SORBS2: variants seen among roughly 807,000 people sequenced by gnomAD.
SORBS2 encodes sorbin and SH3 domain containing 2.
Under a neutral mutation model 97.7 loss-of-function variants are expected in SORBS2, and 46 were observed. That is an observed-to-expected ratio of 0.47 (90% CI 0.37 to 0.60). SORBS2 has a LOEUF of 0.60. Among genes scored for constraint, SORBS2 ranks in the 20% least tolerant of loss-of-function variants. The pLI, the probability that SORBS2 is intolerant of heterozygous loss-of-function variation, is 0.00. For missense variants in SORBS2, 1,316 were observed against 1,282.3 expected, an observed-to-expected ratio of 1.03 and a Z score of -0.40; for synonymous variants, 476 against 473.4, an observed-to-expected ratio of 1.01 and a Z score of -0.07.
intron 1 of SORBS2, among the ~76,000 whole-genome samples, chr4:185,910,917 G>C (rs1034543569): frequency 6.6e-6 from 1 of 151,622 alleles, no homozygotes; most frequent in Non-Finnish European, 1.5e-5. Flanking sequence ...CGTGGTTTCA[G>C]AGTAGGACTC....
rs963853167 is a variant in SORBS2 at position 185,886,996 on chromosome 4, C to A, written c.-338+69200G>T. 1.1e-4 allele frequency among the ~76,000 whole-genome samples: 17 copies of A among 152,266 alleles called. No individual in the cohort carries two copies. The Middle Eastern group carries it at 0.01, about 91-fold the overall frequency. Reference sequence around the variant, plus strand: ...CGATAGAATGGCCAAAGAGGAAGGACCTTCCAGCCAGTTTGAAGACAGAAT... The same window carrying A: ...CGATAGAATGGCCAAAGAGGAAGGAACTTCCAGCCAGTTTGAAGACAGAAT... On this transcript the variant is annotated intron_variant, in intron 1 of 20. Transcript: ENST00000284776.
In SORBS2 at chr4:185,662,109, G is replaced by A. The variant is rs766160896; in HGVS notation, c.89C>T (p.Ser30Phe). The change falls in exon 5 of 21, where the codon TCC becomes TTC. Residue 30 changes from serine to phenylalanine, a missense_variant. Physicochemically the swap from Ser to Phe is radical, Grantham distance 155. Coordinates refer to the SORBS2 transcript ENST00000284776. ...ACGGTGAGTAAATTACTTACCGAGG[G>A]ATGTGCCGTGCTGCATGACAATGCT... 5.0e-6 allele frequency: 8 copies of A among 1,614,140 alleles called. No individual in the cohort carries two copies. The East Asian group carries it at 1.8e-4, about 36-fold the overall frequency.
chr4:185,746,116 C>A (rs2098758301), intron 2 of SORBS2, among the ~76,000 whole-genome samples: 1 of 152,136 alleles, frequency 6.6e-6, no homozygotes, highest in African/African-American at 2.4e-5. Context: ...TTACAGGAGA[C>A]AATGTTTTCT....
intron 1 of SORBS2, among the ~76,000 whole-genome samples, chr4:185,854,229 A>T (rs1473836081): frequency 1.3e-5 from 2 of 152,200 alleles, no homozygotes; most frequent in Admixed American, 6.5e-5. Context: ...TTCACAGGAA[A>T]TATGAAAAAG....
intron 2 of SORBS2, among the ~76,000 whole-genome samples, chr4:185,697,341 C>T (rs1324426537): frequency 1.3e-5 from 2 of 152,138 alleles, no homozygotes; most frequent in African/African-American, 4.8e-5. Flanking sequence ...AGACTGATTT[C>T]TATGGATTTT....
chr4:185,760,228 C>T (rs561681428), intron 2 of SORBS2, among the ~76,000 whole-genome samples: 2 of 152,262 alleles, frequency 1.3e-5, no homozygotes, highest in African/African-American at 4.8e-5. Context: ...CATGTGTTGG[C>T]CAAATATGAG....
upstream of SORBS2, among the ~76,000 whole-genome samples, chr4:185,659,561 T>C (rs188907918): frequency 7.9e-3 from 1,193 of 150,890 alleles, 24 homozygotes; most frequent in African/African-American, 0.027. Context: ...GGACTACAGG[T>C]GCCCGCCATC....
chr4:185,663,665 A>G (rs1389232969), intron 4 of SORBS2, among the ~76,000 whole-genome samples: 1 of 152,118 alleles, frequency 6.6e-6, no homozygotes, highest in Non-Finnish European at 1.5e-5. Context: ...GATCTTTGTC[A>G]ATATCATTGT....
chr4:185,874,481 G>T (rs1337120197), intron 1 of SORBS2, among the ~76,000 whole-genome samples: 2 of 152,182 alleles, frequency 1.3e-5, no homozygotes, highest in Non-Finnish European at 2.9e-5. Context: ...CCCCAAAGAT[G>T]CATGCTGAAT....
In SORBS2 at chr4:185,825,897, G is replaced by A. The variant is rs186197234; in HGVS notation, c.-337-50531C>T. ...TTTTCTCGGTTGCGATGACCTAGCT[G>A]GCTCAAGACTTCCTCACTCGGTGGC... is the stretch of plus-strand genomic sequence containing the variant. On this transcript the variant is annotated intron_variant, in intron 1 of 20. Coordinates refer to the SORBS2 transcript ENST00000284776. Among the ~76,000 whole-genome samples, 445 of 152,218 alleles carry A rather than the reference G, an allele frequency of 2.9e-3. 4 individuals are homozygous for A. The highest frequency in any genetic ancestry group is 0.01 in the African/African-American group (425 of 41,526).
rs2099186956 is a variant in SORBS2 at position 185,811,925 on chromosome 4, T to C, written c.-337-36559A>G. 1 of 152,386 alleles carries C rather than the reference T, an allele frequency of 6.6e-6. No homozygotes were observed. 9.4% of individuals were successfully genotyped at this position (152,386 alleles called of 1,614,324 possible). A position where few individuals can be genotyped will look rare whatever the true frequency, so the allele number is the denominator to read the frequency against. ...ATCCCTCGTTTTCAGGGTAAGCAGC[T>C]AGGGAGCTGCTGAGATAATATTGCA... is the stretch of plus-strand genomic sequence containing the variant. On this transcript the variant is annotated intron_variant, in intron 1 of 20. It removes the in-frame stop codon of an upstream open reading frame in the 5' UTR. Coordinates refer to the SORBS2 transcript ENST00000284776.
intron 7 of SORBS2, among the ~76,000 whole-genome samples, chr4:185,620,615 A>G (rs1019448341): frequency 2.0e-4 from 31 of 152,220 alleles, no homozygotes; most frequent in Non-Finnish European, 1.2e-4. Flanking sequence ...GTAATGAAAA[A>G]GAAAGAGATA....
At chr4:185,843,337 T>C (rs1411946197) in intron 1 of SORBS2, among the ~76,000 whole-genome samples, 3 of 152,190 alleles carry the variant, frequency 2.0e-5, no homozygotes, top group Non-Finnish European at 4.4e-5. Flanking sequence ...CATTATTGTA[T>C]TGGAGGTTCT....
At chr4:185,776,339 AT>A (rs1300281906) in intron 1 of SORBS2, among the ~76,000 whole-genome samples, 1 of 152,136 alleles carries the variant, frequency 6.6e-6, no homozygotes, top group Non-Finnish European at 1.5e-5. Flanking sequence ...ATCTCTTTCT[AT>A]TGTGGATGAA....
exon 4 of SORBS2, chr4:185,678,445 T>C (rs535988257): frequency 1.9e-6 from 3 of 1,550,686 alleles, no homozygotes; most frequent in East Asian, 2.4e-5. Context: ...TCTTTTATCT[T>C]GTAGGTTTGG....
chr4:185,673,615 A>T (rs1433310193), intron 4 of SORBS2, among the ~76,000 whole-genome samples: 1 of 152,106 alleles, frequency 6.6e-6, no homozygotes, highest in African/African-American at 2.4e-5. Context: ...CCTTACTCAA[A>T]CCTCCCAGCA....
At chr4:185,921,695 A>G (rs1004399505) in intron 1 of SORBS2, among the ~76,000 whole-genome samples, 1 of 152,226 alleles carries the variant, frequency 6.6e-6, no homozygotes, top group Non-Finnish European at 1.5e-5. Context: ...ATGGATATTT[A>G]CTTTTCCACT....
At chr4:185,858,996 C>A (rs2099222206) in intron 1 of SORBS2, among the ~76,000 whole-genome samples, 1 of 152,056 alleles carries the variant, frequency 6.6e-6, no homozygotes, top group Non-Finnish European at 1.5e-5. Context: ...GATTGTAGTC[C>A]ACTTACACAA....
upstream of SORBS2, chr4:185,657,039 A>G: frequency 1.7e-6 from 1 of 587,964 alleles, no homozygotes; most frequent in African/African-American, 2.0e-5. Context: ...CTTTATTCGC[A>G]ATGCATGTGG....
Sources: gnomAD v4.1 joint callset for allele counts (sites outside exome capture counted in the v4.1 genomes callset) on GRCh38, gnomAD v4.1.1 for gene constraint, MANE v1.5 for transcripts, NCBI Gene and HGNC (gene_info 2026-07-23, HGNC 2026-07-21) for gene names.